Variants in RPSA2 observed in about 807,000 individuals in gnomAD.
The protein encoded by RPSA2 is small ribosomal subunit protein uS2B.
At chr19:23,823,566 CCTAA>C in the RPSA2 span, among the ~76,000 whole-genome samples, 32 of 152,264 alleles carry the variant, frequency 2.1e-4, no homozygotes, top group South Asian at 5.6e-3. Flanking sequence ...AGTTTTCTCT[CCTAA>C]CTGACTTCGC....
the RPSA2 span, among the ~76,000 whole-genome samples, chr19:23,781,385 C>T: frequency 6.6e-6 from 1 of 152,168 alleles, no homozygotes; most frequent in African/African-American, 2.4e-5. Flanking sequence ...CTTACCCAGA[C>T]TAGAGTGCAG....
At chr19:23,864,987 C>T in the RPSA2 span, among the ~76,000 whole-genome samples, 1 of 152,134 alleles carries the variant, frequency 6.6e-6, no homozygotes, top group African/African-American at 2.4e-5. Context: ...TTCTTCCAAA[C>T]ATACTCTTTT....
the RPSA2 span, among the ~76,000 whole-genome samples, chr19:23,859,457 C>T: frequency 1.3e-5 from 2 of 152,030 alleles, no homozygotes; most frequent in Non-Finnish European, 2.9e-5. Flanking sequence ...GGAGAAAGCC[C>T]GTCTCTACTA....
At chr19:23,866,513 G>GCCCCCCCCCC in the RPSA2 span, among the ~76,000 whole-genome samples, 4 of 142,282 alleles carry the variant, frequency 2.8e-5, no homozygotes, top group East Asian at 2.0e-4. Flanking sequence ...ACAATGTGGT[G>GCCCCCCCCCC]CCCCCCCCCG....
At chr19:23,814,741 A>C in the RPSA2 span, among the ~76,000 whole-genome samples, 4 of 152,002 alleles carry the variant, frequency 2.6e-5, 1 homozygote, top group South Asian at 8.3e-4. Flanking sequence ...ATTTTCTTAT[A>C]TTTTTGGATT....
chr19:23,769,332 C>G, the RPSA2 span, among the ~76,000 whole-genome samples: 1 of 152,142 alleles, frequency 6.6e-6, no homozygotes, highest in Non-Finnish European at 1.5e-5. Flanking sequence ...CTCTGAGACA[C>G]TTAATTAGGT....
At chr19:23,773,938 T>G in the RPSA2 span, among the ~76,000 whole-genome samples, 4 of 152,348 alleles carry the variant, frequency 2.6e-5, no homozygotes, top group African/African-American at 9.6e-5. Flanking sequence ...ATTGTTAATT[T>G]CATCCCTGCA....
the RPSA2 span, among the ~76,000 whole-genome samples, chr19:23,835,999 T>A: frequency 1.3e-5 from 2 of 152,218 alleles, no homozygotes; most frequent in South Asian, 2.1e-4. Flanking sequence ...ATATATTTTT[T>A]TAATTTTATT....
the RPSA2 span, among the ~76,000 whole-genome samples, chr19:23,785,316 T>C: frequency 4.3e-4 from 66 of 152,272 alleles, no homozygotes; most frequent in East Asian, 0.011. Flanking sequence ...CTGAATATTT[T>C]GCAAGTTAGG....
chr19:23,780,745 A>G, the RPSA2 span, among the ~76,000 whole-genome samples: 4 of 152,230 alleles, frequency 2.6e-5, no homozygotes, highest in South Asian at 4.1e-4. Flanking sequence ...GAGCAGCACA[A>G]CGTTCTCAGA....
the RPSA2 span, among the ~76,000 whole-genome samples, chr19:23,776,077 G>A: frequency 0.022 from 3,332 of 152,248 alleles, 131 homozygotes; most frequent in African/African-American, 0.076. Context: ...AGACATTGTA[G>A]TATATCTCAG....
chr19:23,848,193 G>A, the RPSA2 span, among the ~76,000 whole-genome samples: 1 of 152,200 alleles, frequency 6.6e-6, no homozygotes, highest in Non-Finnish European at 1.5e-5. Context: ...TATTTGGGAA[G>A]TGATAAATAT....
chr19:23,860,999 A>G, the RPSA2 span, among the ~76,000 whole-genome samples: 1 of 104,726 alleles, frequency 9.5e-6, no homozygotes, highest in Non-Finnish European at 1.9e-5. Flanking sequence ...CCTCCAGTAC[A>G]TGTTGCTCCT....
the RPSA2 span, among the ~76,000 whole-genome samples, chr19:23,792,805 GCCAGGCC>G: frequency 6.6e-6 from 1 of 151,970 alleles, no homozygotes; most frequent in Non-Finnish European, 1.5e-5. Flanking sequence ...GAGCCACCGC[GCCAGGCC>G]AAGAGTTTTA....
At chr19:23,809,620 A>T in the RPSA2 span, 3 of 152,034 alleles carry the variant, frequency 2.0e-5, no homozygotes, top group South Asian at 6.2e-4. Flanking sequence ...GCTATTGTAA[A>T]TAAGATTTTT....
chr19:23,798,154 C>A, the RPSA2 span, among the ~76,000 whole-genome samples: 4 of 151,886 alleles, frequency 2.6e-5, no homozygotes, highest in Admixed American at 2.6e-4. Flanking sequence ...TATTTTTAGT[C>A]TTTTAAAGTT....
At chr19:23,771,641 T>C in the RPSA2 span, among the ~76,000 whole-genome samples, 148,797 of 152,126 alleles carry the variant, frequency 0.98, 72,864 homozygotes, top group Middle Eastern at 1. Context: ...TATTCTTTTG[T>C]CCTAGTGCTT....
chr19:23,769,636 GC>G, the RPSA2 span, among the ~76,000 whole-genome samples: 1 of 152,156 alleles, frequency 6.6e-6, no homozygotes, highest in Non-Finnish European at 1.5e-5. Flanking sequence ...GAGCCACGAT[GC>G]CCGGCCGATG....
At chr19:23,857,430 T>TCCCG in the RPSA2 span, among the ~76,000 whole-genome samples, 2 of 151,742 alleles carry the variant, frequency 1.3e-5, no homozygotes, top group Admixed American at 1.3e-4. Context: ...GTCCCTGACT[T>TCCCG]CCCGCAACAT....
Sources: allele counts gnomAD v4.1 joint callset (sites outside exome capture counted in the v4.1 genomes callset), GRCh38; gene constraint gnomAD v4.1.1; transcripts MANE v1.5; gene names NCBI Gene and HGNC (gene_info 2026-07-23, HGNC 2026-07-21).